MACROD2: variants seen among roughly 807,000 people sequenced by gnomAD.
The protein encoded by MACROD2 is ADP-ribose glycohydrolase MACROD2.
Under a neutral mutation model 70.4 loss-of-function variants are expected in MACROD2, and 36 were observed. That is an observed-to-expected ratio of 0.51 (90% CI 0.39 to 0.68). The LOEUF (loss-of-function observed/expected upper bound fraction) is 0.68. Ranked by LOEUF, MACROD2 falls within the 30% of genes least tolerant of loss-of-function variation. The pLI is 0.00. For missense variants in MACROD2, 496 were observed against 538.4 expected, an observed-to-expected ratio of 0.92 and a Z score of 0.78; for synonymous variants, 172 against 178.8, an observed-to-expected ratio of 0.96 and a Z score of 0.30.
intron 10 of MACROD2, among the ~76,000 whole-genome samples, chr20:15,910,513 T>G (rs2065221473): frequency 6.6e-6 from 1 of 151,940 alleles, no homozygotes; most frequent in African/African-American, 2.4e-5. Flanking sequence ...AAGTGGAGGA[T>G]GTAAAAGAAT....
chr20:15,197,985 G>T (rs1391183075), intron 5 of MACROD2, among the ~76,000 whole-genome samples: 1 of 107,398 alleles, frequency 9.3e-6, no homozygotes, highest in Non-Finnish European at 1.9e-5. Context: ...TTTTTGAGAC[G>T]GAGTCTTGCT....
intron 5 of MACROD2, among the ~76,000 whole-genome samples, chr20:15,164,644 C>T (rs1000791391): frequency 2.0e-5 from 3 of 152,090 alleles, no homozygotes; most frequent in African/African-American, 7.2e-5. Context: ...GCCTGTAATG[C>T]TGGTACTTTG....
chr20:14,958,746 C>T (rs2074558819), intron 5 of MACROD2, among the ~76,000 whole-genome samples: 1 of 152,146 alleles, frequency 6.6e-6, no homozygotes, highest in African/African-American at 2.4e-5. Context: ...TCATTCTAAA[C>T]AGCAGTAGTT....
chr20:14,778,471 C>A (rs1043403698), intron 5 of MACROD2, among the ~76,000 whole-genome samples: 3 of 152,018 alleles, frequency 2.0e-5, no homozygotes, highest in Non-Finnish European at 4.4e-5. Flanking sequence ...CATCCAGTGG[C>A]CTTATCTGAA....
chr20:14,110,297 GC>G (rs1361459532), intron 3 of MACROD2, among the ~76,000 whole-genome samples: 1 of 151,884 alleles, frequency 6.6e-6, no homozygotes, highest in Non-Finnish European at 1.5e-5. Flanking sequence ...AAAACTGAAA[GC>G]TTTTTTTTAA....
chr20:14,966,363 C>A (rs2074636601), intron 5 of MACROD2, among the ~76,000 whole-genome samples: 1 of 152,068 alleles, frequency 6.6e-6, no homozygotes, highest in Admixed American at 6.6e-5. Context: ...AGCGTTTGAG[C>A]CCAGGAGTTT....
chr20:15,305,655 T>C (rs1568708741), intron 6 of MACROD2, among the ~76,000 whole-genome samples: 1 of 150,578 alleles, frequency 6.6e-6, no homozygotes, highest in East Asian at 2.0e-4. Flanking sequence ...GTTGATAAAA[T>C]TGTGTGTGTG....
Position 14,071,252 on chromosome 20 carries a change from G to GTT in MACROD2, c.164-14344_164-14343dup, listed in dbSNP as rs59052053. On this transcript the variant is annotated intron_variant, in intron 2 of 17. Coordinates refer to ENST00000684519, the MANE Select transcript of MACROD2 (RefSeq NM_001351661.2). ...GACAGTATTGGCCATTTCATCTTGT[G>GTT]TTTTTTTTTTTTTTTTTTTTTTTTT... Among the ~76,000 whole-genome samples the GTT allele has an allele frequency of 8.5e-3, 543 of 63,926 alleles. 151 individuals carry two copies. Among genetic ancestry groups the GTT allele is most frequent in the African/African-American group, 0.026 (407 of 15,784 alleles). The allele number at this position is 63,926 out of a possible 152,430, so 41.9% of individuals were successfully genotyped here.
intron 4 of MACROD2, among the ~76,000 whole-genome samples, chr20:14,527,506 A>AG (rs2085249379): frequency 6.6e-6 from 1 of 151,176 alleles, no homozygotes; most frequent in South Asian, 2.1e-4. Context: ...ATATAGGCAA[A>AG]AAAAACCATG....
At chr20:14,531,954 C>T (rs1042508152) in intron 4 of MACROD2, among the ~76,000 whole-genome samples, 2 of 152,168 alleles carry the variant, frequency 1.3e-5, no homozygotes, top group African/African-American at 2.4e-5. Context: ...TCTCATTAAA[C>T]GTTCCTCTCA....
chr20:15,663,232 A>ATT lies in MACROD2; in HGVS notation c.645+163405_645+163406dup, dbSNP rs34234600. The stretch of plus-strand genomic sequence containing the variant: ...GTTTCTCAAGAGAAGTCAGAATTTG[A>ATT]TTTTTTTTTTTTTTTTTTTTTGAGA... On this transcript the variant is annotated intron_variant, in intron 8 of 17. Coordinates refer to ENST00000684519, the MANE Select transcript of MACROD2 (RefSeq NM_001351661.2). 2.4e-3 allele frequency among the ~76,000 whole-genome samples: 308 copies of ATT among 129,818 alleles called. 3 individuals are homozygous for ATT. Among genetic ancestry groups the ATT allele is most frequent in the Middle Eastern group, 0.012 (3 of 248 alleles). The allele number at this position is 129,818 out of a possible 152,430, so 85.2% of individuals were successfully genotyped here. A position where few individuals can be genotyped will look rare whatever the true frequency, so the allele number is the denominator to read the frequency against.
intron 8 of MACROD2, among the ~76,000 whole-genome samples, chr20:15,821,168 A>G (rs1440561026): frequency 3.3e-5 from 5 of 152,170 alleles, no homozygotes; most frequent in Admixed American, 1.3e-4. Context: ...TACTTCGTGT[A>G]TATATTTCCT....
chr20:15,113,975 AG>A (rs372777771), intron 5 of MACROD2, among the ~76,000 whole-genome samples: 69 of 152,310 alleles, frequency 4.5e-4, no homozygotes, highest in African/African-American at 1.6e-3. Context: ...AGAAGGCCAC[AG>A]CTATGCCTAA....
intron 5 of MACROD2, among the ~76,000 whole-genome samples, chr20:14,780,280 C>T (rs986834044): frequency 6.6e-6 from 1 of 151,782 alleles, no homozygotes; most frequent in African/African-American, 2.4e-5. Context: ...AGTGAAAACA[C>T]GACTGGGCGC....
chr20:14,645,666 G>A (rs1369160603), intron 4 of MACROD2, among the ~76,000 whole-genome samples: 2 of 151,928 alleles, frequency 1.3e-5, no homozygotes, highest in Non-Finnish European at 2.9e-5. Context: ...TGGTTTGCAG[G>A]AGAGAAATTT....
At chr20:14,991,751 G>A (rs1051321525) in intron 5 of MACROD2, among the ~76,000 whole-genome samples, 9 of 152,198 alleles carry the variant, frequency 5.9e-5, no homozygotes, top group Non-Finnish European at 1.3e-4. Flanking sequence ...ACACATTTTA[G>A]TTGACAATCT....
chr20:15,955,267 C>A (rs913348941), intron 12 of MACROD2, among the ~76,000 whole-genome samples: 1 of 152,116 alleles, frequency 6.6e-6, no homozygotes, highest in African/African-American at 2.4e-5. Context: ...CTCATTAATT[C>A]GTTGCTGACA....
At chr20:15,695,408 CTTCT>C (rs1568979050) in intron 8 of MACROD2, among the ~76,000 whole-genome samples, 2 of 140,068 alleles carry the variant, frequency 1.4e-5, no homozygotes. Context: ...TTTTCTTCTT[CTTCT>C]TTTTTTTTTT....
chr20:14,167,252 A>G (rs1373195221), intron 3 of MACROD2, among the ~76,000 whole-genome samples: 4 of 152,068 alleles, frequency 2.6e-5, no homozygotes, highest in South Asian at 4.1e-4. Flanking sequence ...GACATTTTCT[A>G]TATTTTTGTC....
Sources: gnomAD v4.1 joint callset for allele counts (sites outside exome capture counted in the v4.1 genomes callset) on GRCh38, gnomAD v4.1.1 for gene constraint, MANE v1.5 for transcripts, NCBI Gene and HGNC (gene_info 2026-07-23, HGNC 2026-07-21) for gene names.